The following ZNF320 variants were observed in gnomAD, a reference collection of about 807,000 sequenced individuals.
The protein encoded by ZNF320 is zinc finger gene 320.
Under a neutral mutation model 6.8 loss-of-function variants are expected in ZNF320, and 2 were observed. The ratio of observed to expected loss-of-function variants is 0.29; its 90% confidence interval spans 0.12 to 0.93. ZNF320 has a LOEUF of 0.93. Among genes scored for constraint, ZNF320 ranks in the 40% least tolerant of loss-of-function variants. ZNF320 has a pLI of 0.55. For missense variants in ZNF320, 472 were observed against 611.0 expected (o/e 0.77, Z 2.40); for synonymous variants, 208 against 203.2 (o/e 1.02, Z -0.20).
intron 5 of ZNF320, among the ~76,000 whole-genome samples, chr19:52,870,847 C>T (rs2063668480): frequency 6.6e-6 from 1 of 152,062 alleles, no homozygotes; most frequent in African/African-American, 2.4e-5. Context: ...CATTCCAAGT[C>T]ATTAAAAATG....
At chr19:52,891,924 T>G (rs2064306711) in intron 2 of ZNF320, 1 of 152,224 alleles carries the variant, frequency 6.6e-6, no homozygotes, top group African/African-American at 2.4e-5. Context: ...CTTTGAAAAT[T>G]AGAGAAGCAT....
chr19:52,867,370 G>T (rs2063596056), intron 5 of ZNF320, among the ~76,000 whole-genome samples: 1 of 151,832 alleles, frequency 6.6e-6, no homozygotes, highest in Non-Finnish European at 1.5e-5. Context: ...GCTAATATTT[G>T]TATTTTTAGT....
chr19:52,891,433 G>C (rs1395788264), intron 2 of ZNF320, 87 bp from the exon 3 acceptor site: 2 of 152,486 alleles, frequency 1.3e-5, no homozygotes, highest in Non-Finnish European at 2.9e-5. Flanking sequence ...GATGGGCAGA[G>C]GGAATTTCAG....
downstream of ZNF320, among the ~76,000 whole-genome samples, chr19:52,872,781 G>T (rs144112291): frequency 0.035 from 5,295 of 152,202 alleles, 118 homozygotes; most frequent in South Asian, 0.052. Flanking sequence ...GATTACAGGC[G>T]TGAGCCACCG....
At chr19:52,890,554 G>A (rs2064254808) in intron 3 of ZNF320, among the ~76,000 whole-genome samples, 1 of 152,160 alleles carries the variant, frequency 6.6e-6, no homozygotes. Context: ...CTCCCCTTCA[G>A]GGCACAGACT....
chr19:52,891,807 A>G (rs1336789817), intron 2 of ZNF320, among the ~76,000 whole-genome samples: 1 of 152,168 alleles, frequency 6.6e-6, no homozygotes, highest in African/African-American at 2.4e-5. Flanking sequence ...GTGGGGACAT[A>G]TTCACCGAGT....
At chr19:52,903,210 T>C in the ZNF320 span, among the ~76,000 whole-genome samples, 5 of 152,260 alleles carry the variant, frequency 3.3e-5, no homozygotes, top group Non-Finnish European at 5.9e-5. Context: ...GATTAGAAGT[T>C]ACTATAATAC....
At chr19:52,898,447 C>T (rs192562449), upstream of ZNF320, among the ~76,000 whole-genome samples, 1 of 152,166 alleles carries the variant, frequency 6.6e-6, no homozygotes, top group East Asian at 1.9e-4. Flanking sequence ...AAGTAAGACC[C>T]TCTACCCCAG....
intron 1 of ZNF320, among the ~76,000 whole-genome samples, chr19:52,896,402 T>A (rs1432705268): frequency 6.6e-6 from 1 of 152,160 alleles, no homozygotes; most frequent in Non-Finnish European, 1.5e-5. Context: ...TTATTTTTAT[T>A]TATTTATTTT....
downstream of ZNF320, among the ~76,000 whole-genome samples, chr19:52,872,083 A>G (rs1428198214): frequency 6.6e-6 from 1 of 152,058 alleles, no homozygotes; most frequent in Admixed American, 6.6e-5. Context: ...GCTCCTTGAG[A>G]GGCTAATGTG....
chr19:52,903,885 TTCAAA>T, the ZNF320 span, among the ~76,000 whole-genome samples: 1 of 152,160 alleles, frequency 6.6e-6, no homozygotes, highest in Non-Finnish European at 1.5e-5. Context: ...TATCTAACAA[TTCAAA>T]TCAAGTCAAA....
chr19:52,884,883 T>C (rs1296260077), intron 5 of ZNF320, among the ~76,000 whole-genome samples: 1 of 152,182 alleles, frequency 6.6e-6, no homozygotes, highest in African/African-American at 2.4e-5. Context: ...CTTGCAATAC[T>C]TGAAGCCATC....
intron 5 of ZNF320, chr19:52,883,600 G>A (rs1335139764): frequency 2.2e-6 from 1 of 455,286 alleles, no homozygotes. Flanking sequence ...GAATTATAAG[G>A]AATAAGAATT....
At chr19:52,885,226 A>G (rs1292153899) in intron 5 of ZNF320, among the ~76,000 whole-genome samples, 2 of 152,034 alleles carry the variant, frequency 1.3e-5, no homozygotes, top group Non-Finnish European at 2.9e-5. Flanking sequence ...TAAATGACAG[A>G]AGGCTAAAGA....
chr19:52,883,991 T>G (rs531629275), intron 5 of ZNF320, among the ~76,000 whole-genome samples: 2 of 152,332 alleles, frequency 1.3e-5, no homozygotes, highest in African/African-American at 4.8e-5. Context: ...ATGCAGACTT[T>G]GAGAGAATTT....
At position 52,880,717 on chromosome 19, in the gene ZNF320, T is replaced by C; in HGVS notation, c.1409A>G (p.Lys470Arg). The change falls in exon 6 of 6, where the codon AAA (lysine) becomes AGA (arginine). Residue 470 changes from lysine (K) to arginine (R), a missense_variant. Physicochemically the swap from Lys to Arg is conservative, Grantham distance 26. This residue lies in a region of ZNF320 where 462 missense variants were observed against 559.7 expected (regional missense o/e 0.83). Coordinates refer to ENST00000682928, the MANE Select transcript of ZNF320 (RefSeq NM_001351774.2). Reference sequence around the variant, plus strand: ...AAAGACCTTGCCACACTGATGACATTTGTAAGATTTCTGTCCAGTATGGAT... The same window carrying C: ...AAAGACCTTGCCACACTGATGACATCTGTAAGATTTCTGTCCAGTATGGAT... ...QRIHTGQKSY[K>R]CHQCGKVFSL... The C allele has an allele frequency of 1.2e-6, 2 of 1,613,882 alleles. No homozygotes were observed. Among genetic ancestry groups the C allele is most frequent in the South Asian group, 1.1e-5 (1 of 91,064 alleles).
exon 6 of ZNF320, among the ~76,000 whole-genome samples, chr19:52,863,577 T>C (rs1273723320): frequency 6.8e-6 from 1 of 147,202 alleles, no homozygotes; most frequent in African/African-American, 2.5e-5. Flanking sequence ...CACTCCAGCC[T>C]GGGCTACAGA....
In ZNF320 at chr19:52,877,629, G is replaced by A. The variant is rs1387963847; in HGVS notation, c.*2967C>T. The stretch of plus-strand genomic sequence containing the variant: ...ATCTTGAGGTTCCCGGTTTGGGAGG[G>A]GCATATGTAGCTTTTTAAAAAATCT... On this transcript the variant is annotated 3_prime_UTR_variant, in exon 6 of 6. Transcript: ENST00000682928. 1 of 151,684 alleles carries A rather than the reference G, an allele frequency of 6.6e-6. No individual in the cohort carries two copies. Among genetic ancestry groups the A allele is most frequent in the East Asian group, 1.9e-4 (1 of 5,138 alleles). The allele number at this position is 151,684 out of a possible 1,614,324, so 9.4% of individuals were successfully genotyped here. A position where few individuals can be genotyped will look rare whatever the true frequency, so the allele number is the denominator to read the frequency against.
downstream of ZNF320, among the ~76,000 whole-genome samples, chr19:52,860,057 C>T (rs561151632): frequency 2.0e-5 from 3 of 152,022 alleles, no homozygotes; most frequent in African/African-American, 7.2e-5. Flanking sequence ...GGACTACAGG[C>T]GCCCGCCACC....
Sources: allele counts gnomAD v4.1 joint callset (sites outside exome capture counted in the v4.1 genomes callset), GRCh38; gene constraint gnomAD v4.1.1; regional missense constraint gnomAD v4.1.1; transcripts MANE v1.5; gene names NCBI Gene and HGNC (gene_info 2026-07-23, HGNC 2026-07-21).